ADGB: variants seen among roughly 807,000 people sequenced by gnomAD.
ADGB encodes the protein calpain-7-like protein.
A neutral mutation model predicts 210.5 loss-of-function variants in ADGB; 172 were observed. That is an observed-to-expected ratio of 0.82 (90% CI 0.72 to 0.93). ADGB has a LOEUF of 0.93. Ranked by LOEUF, ADGB falls within the 40% of genes least tolerant of loss-of-function variation. The pLI, the probability that ADGB is intolerant of heterozygous loss-of-function variation, is 0.00. For synonymous variants in ADGB, 658 were observed against 662.7 expected (o/e 0.99, Z 0.11); for missense variants, 2,025 against 1,964.8 (o/e 1.03, Z -0.58).
intron 1 of ADGB, among the ~76,000 whole-genome samples, chr6:146,609,524 T>C (rs890433723): frequency 6.6e-6 from 1 of 152,160 alleles, no homozygotes; most frequent in Admixed American, 6.5e-5. Flanking sequence ...ATTTATAGTG[T>C]CAATGTAGGT....
intron 5 of ADGB, among the ~76,000 whole-genome samples, chr6:146,661,220 C>CTTTTTTTTTTTTTTTTTTTTTTT (rs5880682): frequency 2.4e-4 from 28 of 116,060 alleles, no homozygotes; most frequent in East Asian, 7.4e-4. Context: ...TTCTTTTTTT[C>CTTTTTTTTTTTTTTTTTTTTTTT]TTTTTTTTTT....
At chr6:146,710,328 T>G (rs1486504978) in intron 13 of ADGB, among the ~76,000 whole-genome samples, 1 of 151,982 alleles carries the variant, frequency 6.6e-6, no homozygotes, top group African/African-American at 2.4e-5. Context: ...CCAATTTTAT[T>G]TTTTCCCATA....
chr6:146,794,821 G>A (rs1778016415), intron 33 of ADGB, among the ~76,000 whole-genome samples: 1 of 152,054 alleles, frequency 6.6e-6, no homozygotes, highest in Non-Finnish European at 1.5e-5. Flanking sequence ...AAAAAGGAGA[G>A]ACTACAGAGG....
At chr6:146,736,736 T>G (rs1325371217) in intron 23 of ADGB, 145 bp downstream of exon 23, 1 of 493,986 alleles carries the variant, frequency 2.0e-6, no homozygotes, top group Admixed American at 3.8e-5. Flanking sequence ...ATATTTTATC[T>G]GAAACATTTC....
chr6:146,726,282 C>T (rs774908174), intron 19 of ADGB, 85 bp downstream of exon 19: 2 of 925,298 alleles, frequency 2.2e-6, no homozygotes, highest in Non-Finnish European at 3.3e-6. Flanking sequence ...AGTGCAGTGG[C>T]ATGATCTTGG....
intron 9 of ADGB, among the ~76,000 whole-genome samples, chr6:146,678,120 G>A (rs1776108521): frequency 6.6e-6 from 1 of 152,092 alleles, no homozygotes. Context: ...AGCTGCTTTG[G>A]TTTCACTTGT....
intron 33 of ADGB, among the ~76,000 whole-genome samples, chr6:146,797,960 T>C (rs1385207334): frequency 6.8e-6 from 1 of 147,692 alleles, no homozygotes; most frequent in Non-Finnish European, 1.5e-5. Flanking sequence ...TAGTTGGAGA[T>C]TCAGCAGTGA....
intron 21 of ADGB, among the ~76,000 whole-genome samples, chr6:146,733,684 A>G (rs2114587904): frequency 6.6e-6 from 1 of 152,276 alleles, no homozygotes; most frequent in South Asian, 2.1e-4. Context: ...ATAGTAGTTC[A>G]CCAATATGTC....
intron 7 of ADGB, among the ~76,000 whole-genome samples, chr6:146,669,322 C>G (rs1775976036): frequency 6.6e-6 from 1 of 151,992 alleles, no homozygotes; most frequent in Non-Finnish European, 1.5e-5. Context: ...ATTTTCCAGT[C>G]ACCAGTTCAT....
intron 7 of ADGB, among the ~76,000 whole-genome samples, chr6:146,667,353 A>T (rs1338281294): frequency 2.0e-5 from 3 of 152,068 alleles, no homozygotes. Context: ...CTCTGGTACA[A>T]TTCCTCAGGC....
At chr6:146,736,471 G>C in intron 22 of ADGB, 27 bp from the exon 23 acceptor site, 1 of 1,403,562 alleles carries the variant, frequency 7.1e-7, no homozygotes, top group Non-Finnish European at 9.6e-7. Context: ...AAAGCTTAAC[G>C]TTTTTATTAT....
At chr6:146,660,411 A>G (rs1243457619) in intron 5 of ADGB, among the ~76,000 whole-genome samples, 2 of 152,318 alleles carry the variant, frequency 1.3e-5, no homozygotes, top group East Asian at 1.9e-4. Context: ...TAATTTTACC[A>G]TATTTAATCA....
At chr6:146,770,516 C>T (rs151332685) in intron 29 of ADGB, 67 of 455,122 alleles carry the variant, frequency 1.5e-4, no homozygotes, top group African/African-American at 1.2e-3. Flanking sequence ...ATGTGTTCTT[C>T]CTCGGTCTCA....
chr6:146,694,885 A>G (rs1776382808), intron 12 of ADGB, among the ~76,000 whole-genome samples: 1 of 152,204 alleles, frequency 6.6e-6, no homozygotes, highest in Non-Finnish European at 1.5e-5. Context: ...GGACACAAGC[A>G]GTCCTAACTG....
intron 1 of ADGB, among the ~76,000 whole-genome samples, chr6:146,617,053 A>G (rs1214894787): frequency 1.3e-5 from 2 of 152,108 alleles, no homozygotes; most frequent in African/African-American, 4.8e-5. Flanking sequence ...ATATTTTAAC[A>G]ATAATAATTC....
intron 13 of ADGB, among the ~76,000 whole-genome samples, chr6:146,711,926 G>T (rs1414117737): frequency 1.3e-5 from 2 of 151,876 alleles, no homozygotes; most frequent in Admixed American, 6.6e-5. Context: ...GCATGGCGGT[G>T]CATGTCTGTT....
intron 1 of ADGB, among the ~76,000 whole-genome samples, chr6:146,610,638 A>G (rs1780693909): frequency 6.6e-6 from 1 of 152,128 alleles, no homozygotes; most frequent in South Asian, 2.1e-4. Context: ...CCTGAGCTGT[A>G]TGCTCTAACC....
At chr6:146,703,878 T>TC (rs1248435422) in intron 13 of ADGB, among the ~76,000 whole-genome samples, 1 of 148,760 alleles carries the variant, frequency 6.7e-6, no homozygotes, top group Non-Finnish European at 1.5e-5. Flanking sequence ...TTTTTTTTTT[T>TC]CAACCTCCAT....
At chr6:146,775,483 G>A (rs983832142) in intron 29 of ADGB, among the ~76,000 whole-genome samples, 4 of 152,156 alleles carry the variant, frequency 2.6e-5, no homozygotes, top group African/African-American at 9.7e-5. Context: ...TAGAAGGCTA[G>A]AGAACCTTGA....
Sources: gnomAD v4.1 joint callset for allele counts (sites outside exome capture counted in the v4.1 genomes callset) on GRCh38, gnomAD v4.1.1 for gene constraint, MANE v1.5 for transcripts, NCBI Gene and HGNC (gene_info 2026-07-23, HGNC 2026-07-21) for gene names.